Variants in SNX9 observed in about 807,000 individuals in gnomAD.
SNX9 encodes sorting nexin 9.
SNX9 carries 44 observed loss-of-function variants against 89.4 expected under a neutral mutation model. The observed-to-expected ratio is 0.49, with a 90% CI of 0.39 to 0.63. The LOEUF (loss-of-function observed/expected upper bound fraction) is 0.63, where lower values mean the gene tolerates loss of function less well. Among genes scored for constraint, SNX9 ranks in the 30% least tolerant of loss-of-function variants. The pLI is 0.00. For synonymous variants in SNX9, 236 were observed against 247.8 expected (o/e 0.95, Z 0.45); for missense variants, 578 against 736.1 (o/e 0.79, Z 2.49).
intron 1 of SNX9, among the ~76,000 whole-genome samples, chr6:157,835,631 G>A (rs1781568322): frequency 6.6e-6 from 1 of 152,064 alleles, no homozygotes; most frequent in South Asian, 2.1e-4. Flanking sequence ...GGAGGGACCA[G>A]GTGGAGGTAA....
chr6:157,866,280 A>G (rs1356122720), intron 1 of SNX9, among the ~76,000 whole-genome samples: 1 of 152,206 alleles, frequency 6.6e-6, no homozygotes, highest in Non-Finnish European at 1.5e-5. Flanking sequence ...TCTGTCTTAT[A>G]TGAAATAAAA....
At chr6:157,851,858 G>C (rs1402178822) in intron 1 of SNX9, among the ~76,000 whole-genome samples, 2 of 152,110 alleles carry the variant, frequency 1.3e-5, no homozygotes. Context: ...CAAAGTGCTG[G>C]GATTACAGGT....
chr6:157,917,470 C>G (rs1352388882), intron 9 of SNX9, among the ~76,000 whole-genome samples: 1 of 152,086 alleles, frequency 6.6e-6, no homozygotes, highest in South Asian at 2.1e-4. Context: ...TCTATAAAGT[C>G]TACCTTATTG....
At chr6:157,851,927 A>G (rs768059370) in intron 1 of SNX9, among the ~76,000 whole-genome samples, 16 of 152,278 alleles carry the variant, frequency 1.1e-4, no homozygotes, top group Middle Eastern at 3.4e-3. Flanking sequence ...CAATTAGCGT[A>G]ATGTTTTCAA....
At chr6:157,899,742 C>T (rs1474343711) in intron 5 of SNX9, among the ~76,000 whole-genome samples, 1 of 152,118 alleles carries the variant, frequency 6.6e-6, no homozygotes, top group East Asian at 1.9e-4. Flanking sequence ...CCACTGCACT[C>T]CAGCCTGGCC....
chr6:157,896,208 T>TA (rs539180878), intron 4 of SNX9, among the ~76,000 whole-genome samples: 4 of 152,240 alleles, frequency 2.6e-5, no homozygotes, highest in Non-Finnish European at 5.9e-5. Flanking sequence ...TTCCTTAGAA[T>TA]GACTAGCATC....
chr6:157,827,121 A>G (rs1470083297), intron 1 of SNX9, among the ~76,000 whole-genome samples: 1 of 15,080 alleles, frequency 6.6e-5, no homozygotes, highest in East Asian at 2.7e-3. Flanking sequence ...ATATACATAT[A>G]TATTATAGTT....
At chr6:157,874,294 G>A (rs1161492518) in intron 3 of SNX9, 1 of 152,254 alleles carries the variant, frequency 6.6e-6, no homozygotes, top group Non-Finnish European at 1.5e-5. Context: ...ACAGGCCCCT[G>A]GCCTCACTCC....
At chr6:157,892,059 A>C (rs1407064591) in intron 4 of SNX9, among the ~76,000 whole-genome samples, 2 of 152,040 alleles carry the variant, frequency 1.3e-5, no homozygotes, top group Admixed American at 1.3e-4. Context: ...GAGCTTTGCA[A>C]AATAAGGAGT....
Position 157,823,467 on chromosome 6 carries a change from G to T in SNX9, c.12+21G>T. ...CCAAGGTGAGGGGCGCGCGGCGCAGGCCGGGCCGGTCGCTCAGGCCCGGGG... is the reference window on the plus strand; with the variant it reads ...CCAAGGTGAGGGGCGCGCGGCGCAGTCCGGGCCGGTCGCTCAGGCCCGGGG... On this transcript the variant is annotated intron_variant, in intron 1 of 17. Coordinates refer to ENST00000392185, the MANE Select transcript of SNX9 (RefSeq NM_016224.5). This position sits in a 1 kb window ranked among gnomAD's most constrained non-coding sequence, Gnocchi z 4.6. 2 of 1,195,816 alleles carry T rather than the reference G, an allele frequency of 1.7e-6. No homozygotes were observed. Among genetic ancestry groups the T allele is most frequent in the South Asian group, 3.7e-5 (1 of 27,272 alleles). 74.1% of individuals were successfully genotyped at this position (1,195,816 alleles called of 1,614,324 possible).
chr6:157,918,536 A>T (rs1282598466), intron 9 of SNX9, among the ~76,000 whole-genome samples: 1 of 152,146 alleles, frequency 6.6e-6, no homozygotes, highest in Non-Finnish European at 1.5e-5. Flanking sequence ...GTTGGATCTT[A>T]CTTTTTTATC....
At chr6:157,825,324 G>A (rs937991333) in intron 1 of SNX9, among the ~76,000 whole-genome samples, 2 of 152,338 alleles carry the variant, frequency 1.3e-5, no homozygotes, top group African/African-American at 4.8e-5. Flanking sequence ...GTGGTGGTCA[G>A]TGTGTTTTTA....
intron 10 of SNX9, among the ~76,000 whole-genome samples, chr6:157,922,583 T>A (rs1783604307): frequency 6.6e-6 from 1 of 152,246 alleles, no homozygotes. Context: ...ATATTAGGGC[T>A]CTATCGGTGT....
intron 1 of SNX9, among the ~76,000 whole-genome samples, chr6:157,844,545 ATG>A (rs1277874504): frequency 1.3e-5 from 2 of 151,906 alleles, no homozygotes; most frequent in East Asian, 3.9e-4. Context: ...CTCCAGCTAC[ATG>A]ACTCCTAAAT....
chr6:157,877,010 G>C (rs191798777), intron 4 of SNX9, among the ~76,000 whole-genome samples: 1 of 152,280 alleles, frequency 6.6e-6, no homozygotes, highest in East Asian at 1.9e-4. Context: ...TTTAATAAAA[G>C]AATTGTAATG....
At chr6:157,861,124 T>G (rs1782111249) in intron 1 of SNX9, among the ~76,000 whole-genome samples, 1 of 152,246 alleles carries the variant, frequency 6.6e-6, no homozygotes, top group Non-Finnish European at 1.5e-5. Context: ...ATTTAAAAAT[T>G]TTTATTCATT....
intron 1 of SNX9, among the ~76,000 whole-genome samples, chr6:157,844,584 C>CTTTTT (rs1562592153): frequency 1.4e-5 from 2 of 138,550 alleles, no homozygotes; most frequent in African/African-American, 5.8e-5. Flanking sequence ...GTGGCTAATC[C>CTTTTT]TTGTTTTTTT....
At chr6:157,936,197 G>A (rs556954261) in intron 14 of SNX9, among the ~76,000 whole-genome samples, 157 bp downstream of exon 14, 22 of 152,296 alleles carry the variant, frequency 1.4e-4, no homozygotes, top group South Asian at 4.1e-4. Context: ...TGGTTTCTTA[G>A]GTTAAGACAA....
intron 4 of SNX9, among the ~76,000 whole-genome samples, chr6:157,889,430 C>CAAAA (rs56303673): frequency 1.7e-4 from 10 of 58,478 alleles, no homozygotes; most frequent in East Asian, 1.6e-3. Flanking sequence ...GACCCTGTCT[C>CAAAA]AAAAAAAAAA....
Sources: gnomAD v4.1 joint callset for allele counts (sites outside exome capture counted in the v4.1 genomes callset) on GRCh38, gnomAD v4.1.1 for gene constraint, Gnocchi (gnomAD v3.1) non-coding constraint, MANE v1.5 for transcripts, NCBI Gene and HGNC (gene_info 2026-07-23, HGNC 2026-07-21) for gene names.